The following HERC1 variants were observed in gnomAD, a reference collection of about 807,000 sequenced individuals.
The protein encoded by HERC1 is HECT and RLD domain containing E3 ubiquitin protein ligase family member 1.
A neutral mutation model predicts 554.3 loss-of-function variants in HERC1; 160 were observed. The observed-to-expected ratio is 0.29, with a 90% CI of 0.25 to 0.33. The LOEUF is 0.33. HERC1 is among the 10% of genes least tolerant of loss of function. The probability of loss-of-function intolerance (pLI) is 1.00; values close to 1 mark genes in which losing one functional copy is unlikely to be tolerated. For synonymous variants in HERC1, 2,175 were observed against 2,131.7 expected, an observed-to-expected ratio of 1.02 and a Z score of -0.56; for missense variants, 4,919 against 5,918.5, an observed-to-expected ratio of 0.83 and a Z score of 5.54.
chr15:63,772,885 C>G (rs1393715743), intron 2 of HERC1, among the ~76,000 whole-genome samples: 3 of 151,994 alleles, frequency 2.0e-5, no homozygotes, highest in Non-Finnish European at 4.4e-5. Context: ...AAGTACTTAC[C>G]TATGATAAAA....
At position 63,643,425 on chromosome 15, in the gene HERC1, G is replaced by C. The variant is rs764431799; in HGVS notation, c.11310C>G (p.Leu3770=). 5.0e-6 allele frequency: 8 copies of C among 1,613,052 alleles called. No individual in the cohort carries two copies. The South Asian group carries it at 7.7e-5, about 16-fold the overall frequency. Residue 3770 remains leucine (L), a synonymous_variant, in exon 58 of 78, where the codon CTC becomes CTG. Transcript: ENST00000443617. Reference sequence around the variant, plus strand: ...TTACCCTTAAAGACCAAATGTTCATGAGCCCACCTAGTCCACCAGACACCA... The same window carrying C: ...TTACCCTTAAAGACCAAATGTTCATCAGCCCACCTAGTCCACCAGACACCA... ...LALVSGGLGG[L]MNIWSLRDGS...
intron 1 of HERC1, among the ~76,000 whole-genome samples, chr15:63,785,106 A>G (rs568044184): frequency 1.3e-5 from 2 of 152,110 alleles, no homozygotes; most frequent in Non-Finnish European, 2.9e-5. Flanking sequence ...ATATATAAAG[A>G]CTCAAATGCT....
At chr15:63,795,065 C>CAAAAAAA (rs1177647525) in intron 1 of HERC1, among the ~76,000 whole-genome samples, 77 of 68,624 alleles carry the variant, frequency 1.1e-3, no homozygotes, top group Non-Finnish European at 1.4e-3. Context: ...GACTCTGTCT[C>CAAAAAAA]AAAAAAAAAA....
At chr15:63,826,001 G>A (rs2077889336) in intron 1 of HERC1, among the ~76,000 whole-genome samples, 1 of 152,024 alleles carries the variant, frequency 6.6e-6, no homozygotes, top group Non-Finnish European at 1.5e-5. Context: ...GACCTCAGGT[G>A]ATCCACCCAC....
intron 5 of HERC1, 150 bp from the exon 6 acceptor site, chr15:63,755,475 A>T: frequency 1.5e-6 from 1 of 665,276 alleles, no homozygotes; most frequent in Admixed American, 2.3e-5. Flanking sequence ...TGTTCAGGCC[A>T]AGGATGACTG....
chr15:63,678,843 A>T (rs2071333223), intron 36 of HERC1, among the ~76,000 whole-genome samples: 2 of 152,246 alleles, frequency 1.3e-5, no homozygotes, highest in African/African-American at 4.8e-5. Flanking sequence ...CTTGGGTTCA[A>T]ATCATAACTC....
rs575405753 is a variant in HERC1 at position 63,721,622 on chromosome 15, T to TA, written c.3742+1559dup. ...TATGTATCTCATTTCATTTTCTTTA[T>TA]AAAAAATAAAGGCCAATAAAAAGTA... On this transcript the variant is annotated intron_variant, in intron 19 of 77. Coordinates refer to ENST00000443617, the MANE Select transcript of HERC1 (RefSeq NM_003922.4). 6.6e-5 allele frequency among the ~76,000 whole-genome samples: 10 copies of TA among 152,230 alleles called. 1 individual carries two copies. In the South Asian group the frequency reaches 2.1e-3, roughly 32 times the overall value.
chr15:63,681,502 A>G (rs77107306), intron 34 of HERC1, among the ~76,000 whole-genome samples: 21,572 of 151,928 alleles, frequency 0.14, 2,072 homozygotes, highest in Middle Eastern at 0.21. Flanking sequence ...TAGTGTGACT[A>G]TTACTATTTT....
Position 63,609,138 on chromosome 15 carries a change from G to T in HERC1, c.14529C>A (p.Asp4843Glu). The T allele has an allele frequency of 6.2e-7, 1 of 1,614,008 alleles. No individual in the cohort carries two copies. The highest frequency in any genetic ancestry group is 8.5e-7 in the Non-Finnish European group (1 of 1,179,882). Residue 4843 changes from aspartate (D) to glutamate (E), a missense_variant, in exon 78 of 78, where the codon GAC becomes GAA. This residue lies in a region of HERC1 where 71 missense variants were observed against 101.4 expected (regional missense o/e 0.70). Transcript: ENST00000443617. ...AINNCRSIDM[D>E]NYMLSRNVDN... ...CCACGTTTCTCGAGAGCATGTAGTT[G>T]TCCATGTCGATTGAGCGGCAGTTGT...
At chr15:63,730,407 TA>T (rs2074242716) in intron 14 of HERC1, among the ~76,000 whole-genome samples, 1 of 151,398 alleles carries the variant, frequency 6.6e-6, no homozygotes, top group Non-Finnish European at 1.5e-5. Flanking sequence ...TGTAGTGAGC[TA>T]TGATGGTGCC....
intron 14 of HERC1, among the ~76,000 whole-genome samples, chr15:63,731,068 C>G (rs1411250991): frequency 1.3e-5 from 2 of 152,168 alleles, no homozygotes; most frequent in Non-Finnish European, 1.5e-5. Flanking sequence ...CCAATGGAAT[C>G]ATAAATGTTT....
intron 1 of HERC1, among the ~76,000 whole-genome samples, chr15:63,800,336 G>A (rs1369291817): frequency 6.6e-6 from 1 of 152,148 alleles, no homozygotes; most frequent in Non-Finnish European, 1.5e-5. Context: ...CTCTCCCCTT[G>A]CTCTCTCTTC....
chr15:63,731,269 AAT>A (rs2074279435), intron 14 of HERC1, among the ~76,000 whole-genome samples: 5 of 152,220 alleles, frequency 3.3e-5, no homozygotes. Flanking sequence ...TATACAAGAC[AAT>A]ATGAGAACAC....
At chr15:63,764,461 C>T (rs1338043999) in intron 2 of HERC1, among the ~76,000 whole-genome samples, 1 of 152,152 alleles carries the variant, frequency 6.6e-6, no homozygotes, top group Admixed American at 6.5e-5. Context: ...GGACACAGGG[C>T]TCTCGAAACA....
intron 8 of HERC1, among the ~76,000 whole-genome samples, chr15:63,751,053 A>C (rs993742327): frequency 2.6e-5 from 4 of 152,230 alleles, no homozygotes; most frequent in African/African-American, 9.6e-5. Context: ...TTAGGAACTA[A>C]AGATAACGAC....
At chr15:63,791,947 T>C (rs7403455) in intron 1 of HERC1, among the ~76,000 whole-genome samples, 6,087 of 152,318 alleles carry the variant, frequency 0.04, 187 homozygotes, top group Middle Eastern at 0.082. Context: ...AATCAACTGC[T>C]TTCCAGTGTA....
At chr15:63,805,544 A>G (rs1328935636) in intron 1 of HERC1, among the ~76,000 whole-genome samples, 1 of 152,226 alleles carries the variant, frequency 6.6e-6, no homozygotes, top group Non-Finnish European at 1.5e-5. Context: ...AAAAGAGACT[A>G]TATGATGATT....
In HERC1 at chr15:63,677,603, C is replaced by T. The variant is rs2071273687; in HGVS notation, c.7070+242G>A. 6.6e-6 allele frequency among the ~76,000 whole-genome samples: 1 copy of T among 151,976 alleles called. No individual in the cohort carries two copies. The highest frequency in any genetic ancestry group is 2.4e-5 in the African/African-American group (1 of 41,396). On this transcript the variant is annotated intron_variant, in intron 37 of 77. Coordinates refer to ENST00000443617, the MANE Select transcript of HERC1 (RefSeq NM_003922.4). This position sits in a 1 kb window ranked among gnomAD's most constrained non-coding sequence, Gnocchi z 4.4. ...TAAACTAAGGAGCTTACCATTTTTT[C>T]CCCAAAACAAAACAGAACAAAAAGA...
At chr15:63,664,419 C>A in intron 43 of HERC1, 51 bp downstream of exon 43, 1 of 1,559,068 alleles carries the variant, frequency 6.4e-7, no homozygotes, top group East Asian at 2.3e-5. Context: ...CTTTACATTG[C>A]TTTCAAAATA....
Sources: gnomAD v4.1 joint callset for allele counts (sites outside exome capture counted in the v4.1 genomes callset) on GRCh38, gnomAD v4.1.1 for gene constraint, gnomAD v4.1.1 regional missense constraint, Gnocchi (gnomAD v3.1) non-coding constraint, MANE v1.5 for transcripts, NCBI Gene and HGNC (gene_info 2026-07-23, HGNC 2026-07-21) for gene names.